DCX: variants seen among roughly 807,000 people sequenced by gnomAD.
DCX encodes neuronal migration protein doublecortin.
DCX carries 4 observed loss-of-function variants against 20.9 expected under a neutral mutation model. The ratio of observed to expected loss-of-function variants is 0.19; its 90% CI spans 0.09 to 0.44. The LOEUF (loss-of-function observed/expected upper bound fraction) is 0.44, where lower values mean the gene tolerates loss of function less well. DCX is among the 20% of genes least tolerant of loss of function. The pLI, the probability that DCX is intolerant of heterozygous loss-of-function variation, is 0.99. For missense variants in DCX, 133 were observed against 296.9 expected (o/e 0.45, Z 4.06); for synonymous variants, 103 against 111.4 (o/e 0.92, Z 0.47).
chrX:111,320,143 G>A (rs1203554448), intron 5 of DCX, among the ~76,000 whole-genome samples: 1 of 112,056 alleles, frequency 8.9e-6, no homozygotes, highest in East Asian at 2.8e-4. Flanking sequence ...ATCCAAAAGT[G>A]GACATAGAGA....
Position 111,297,670 on chromosome X carries a change from C to T in DCX, c.*4017G>A, listed in dbSNP as rs971255526. 9.0e-6 allele frequency: 1 copy of T among 111,637 alleles called. No homozygotes were observed. Among genetic ancestry groups the T allele is most frequent in the African/African-American group, 3.3e-5 (1 of 30,640 alleles). The allele number at this position is 111,637 out of a possible 1,213,427, so 9.2% of individuals were successfully genotyped here. A position where few individuals can be genotyped will look rare whatever the true frequency, so the allele number is the denominator to read the frequency against. ...AAGCCCAGAAGGAGGTCTCTTAGAA[C>T]TGAACTAATAAATACCCCCTTAGTT... On this transcript the variant is annotated 3_prime_UTR_variant, in exon 7 of 7. Transcript: ENST00000636035.
intron 3 of DCX, among the ~76,000 whole-genome samples, chrX:111,388,219 A>C (rs746837318): frequency 2.7e-5 from 3 of 111,486 alleles, no homozygotes; most frequent in Admixed American, 9.5e-5. Context: ...CCTTTTGTTC[A>C]ATTTCTCCTT....
chrX:111,309,705 G>T (rs2095053197), intron 6 of DCX, among the ~76,000 whole-genome samples: 1 of 111,286 alleles, frequency 9.0e-6, no homozygotes, highest in African/African-American at 3.3e-5. Flanking sequence ...CAAATAACTG[G>T]CCTGGACCTT....
intron 5 of DCX, among the ~76,000 whole-genome samples, chrX:111,318,449 T>A (rs868794685): frequency 9.1e-6 from 1 of 109,432 alleles, no homozygotes; most frequent in Non-Finnish European, 1.9e-5. Context: ...TTATTGGGTA[T>A]ATACCCCAAG....
rs745976268 is a variant in DCX, at chrX:111,297,368, A to T, written c.*4319T>A. On this transcript the variant is annotated 3_prime_UTR_variant, in exon 7 of 7. Coordinates refer to ENST00000636035, the MANE Select transcript of DCX (RefSeq NM_001195553.2). ...GGCATCCTGTTCTCTTGTCCTAGGGATATGGATTTTTAAAAAATAAAAGCC... is the reference window on the plus strand; with the variant it reads ...GGCATCCTGTTCTCTTGTCCTAGGGTTATGGATTTTTAAAAAATAAAAGCC... 16 of 111,499 alleles carry T rather than the reference A, an allele frequency of 1.4e-4. 1 individual carries two copies. The highest frequency in any genetic ancestry group is 3.0e-4 in the Non-Finnish European group (16 of 53,118). The allele number at this position is 111,499 out of a possible 1,213,427, so 9.2% of individuals were successfully genotyped here. A position where few individuals can be genotyped will look rare whatever the true frequency, so the allele number is the denominator to read the frequency against.
intron 3 of DCX, among the ~76,000 whole-genome samples, chrX:111,350,692 G>A (rs777803357): frequency 8.9e-6 from 1 of 112,001 alleles, no homozygotes; most frequent in Non-Finnish European, 1.9e-5. Flanking sequence ...TCCACCACAA[G>A]AGCAACGATA....
intron 2 of DCX, among the ~76,000 whole-genome samples, chrX:111,407,564 C>A (rs999161740): frequency 3.6e-5 from 4 of 111,210 alleles, no homozygotes; most frequent in Non-Finnish European, 7.5e-5. Context: ...GTCCACTGTG[C>A]CTTGTAGTTG....
At chrX:111,381,328 A>G (rs1300638728) in intron 3 of DCX, among the ~76,000 whole-genome samples, 3 of 110,393 alleles carry the variant, frequency 2.7e-5, no homozygotes, top group African/African-American at 6.6e-5. Context: ...AGGATTAGAC[A>G]GGACATAATG....
intron 6 of DCX, among the ~76,000 whole-genome samples, chrX:111,310,065 G>T (rs1216013718): frequency 1.8e-5 from 2 of 112,669 alleles, no homozygotes; most frequent in African/African-American, 6.5e-5. Flanking sequence ...CAGTGCGGTG[G>T]CTCATGCCTG....
intron 3 of DCX, among the ~76,000 whole-genome samples, chrX:111,365,344 TA>T (rs1023793294): frequency 3.6e-5 from 4 of 109,801 alleles, no homozygotes; most frequent in Admixed American, 9.8e-5. Context: ...TTTTTAAAAT[TA>T]AAAAAAACTT....
At chrX:111,347,839 T>C (rs1205133894) in intron 3 of DCX, among the ~76,000 whole-genome samples, 1 of 111,841 alleles carries the variant, frequency 8.9e-6, no homozygotes, top group Non-Finnish European at 1.9e-5. Context: ...TAGCCAATGG[T>C]GACTCTCCTC....
chrX:111,357,078 T>C (rs556828080), intron 3 of DCX, among the ~76,000 whole-genome samples: 1 of 112,373 alleles, frequency 8.9e-6, no homozygotes, highest in Middle Eastern at 4.6e-3. Flanking sequence ...AGATTTTTAA[T>C]ATTAAACTGT....
intron 3 of DCX, among the ~76,000 whole-genome samples, chrX:111,333,499 C>T (rs182649444): frequency 6.7e-4 from 75 of 111,543 alleles, no homozygotes; most frequent in African/African-American, 2.4e-3. Context: ...AGACGGGAAG[C>T]TCCTGGCCCA....
chrX:111,373,051 C>CAATGAAATGAAATGAAATGA lies in DCX; in HGVS notation c.705+27919_705+27938dup, dbSNP rs200014473. Among the ~76,000 whole-genome samples the CAATGAAATGAAATGAAATGA allele has an allele frequency of 1.5e-3, 163 of 107,785 alleles. 2 individuals carry two copies. The highest frequency in any genetic ancestry group is 9.4e-3 in the Middle Eastern group (2 of 212). The allele number at this position is 107,785 out of a possible 115,157, so 93.6% of individuals were successfully genotyped here. A position where few individuals can be genotyped will look rare whatever the true frequency, so the allele number is the denominator to read the frequency against. ...TTCTAACAGAGGAAAGCTGATAACACAATGAAATGAAATGAAATGAAATGA... is the reference window on the plus strand; with the variant it reads ...TTCTAACAGAGGAAAGCTGATAACACAATGAAATGAAATGAAATGAAATGAAATGAAATGAAATGAAATGA... On this transcript the variant is annotated intron_variant, in intron 3 of 6. Coordinates refer to ENST00000636035, the MANE Select transcript of DCX (RefSeq NM_001195553.2).
At chrX:111,373,597 T>C (rs1476279056) in intron 3 of DCX, among the ~76,000 whole-genome samples, 1 of 111,826 alleles carries the variant, frequency 8.9e-6, no homozygotes, top group Non-Finnish European at 1.9e-5. Context: ...CTGTCAGACA[T>C]GCCAAGAGTT....
chrX:111,357,056 G>T (rs2147683535), intron 3 of DCX, among the ~76,000 whole-genome samples: 1 of 112,203 alleles, frequency 8.9e-6, no homozygotes, highest in East Asian at 2.8e-4. Flanking sequence ...ATAATTGTAA[G>T]TTTTCACATT....
At chrX:111,316,866 A>G in intron 5 of DCX, among the ~76,000 whole-genome samples, 1 of 109,739 alleles carries the variant, frequency 9.1e-6, no homozygotes, top group African/African-American at 3.3e-5. Flanking sequence ...ACAGCTAACC[A>G]GGGAGGTGAG....
intron 3 of DCX, among the ~76,000 whole-genome samples, chrX:111,367,728 C>T (rs1924739050): frequency 9.0e-6 from 1 of 111,281 alleles, no homozygotes; most frequent in South Asian, 3.8e-4. Flanking sequence ...TATAATTCTG[C>T]ATAGCAATGA....
At chrX:111,304,892 G>A (rs1036828668) in intron 6 of DCX, among the ~76,000 whole-genome samples, 1 of 111,438 alleles carries the variant, frequency 9.0e-6, no homozygotes, top group African/African-American at 3.3e-5. Context: ...GAAGCGAGAT[G>A]GCCCTAATCT....
Sources: gnomAD v4.1 joint callset for allele counts (sites outside exome capture counted in the v4.1 genomes callset) on GRCh38, gnomAD v4.1.1 for gene constraint, MANE v1.5 for transcripts, NCBI Gene and HGNC (gene_info 2026-07-23, HGNC 2026-07-21) for gene names.